Variants in CDH4 observed in about 807,000 individuals in gnomAD.
CDH4 encodes cadherin-4.
In CDH4, 33 loss-of-function variants were observed where a neutral mutation model predicts 86.0. The observed-to-expected ratio is 0.38, with a 90% CI of 0.29 to 0.51. The LOEUF (loss-of-function observed/expected upper bound fraction) is 0.51. Ranked by LOEUF, CDH4 falls within the 20% of genes least tolerant of loss-of-function variation. The pLI is 0.86. For missense variants in CDH4, 1,114 were observed against 1,307.4 expected, an observed-to-expected ratio of 0.85 and a Z score of 2.28; for synonymous variants, 555 against 549.4, an observed-to-expected ratio of 1.01 and a Z score of -0.14.
intron 2 of CDH4, among the ~76,000 whole-genome samples, chr20:61,596,901 T>C (rs1207904744): frequency 6.6e-6 from 1 of 152,180 alleles, no homozygotes; most frequent in Non-Finnish European, 1.5e-5. Flanking sequence ...ATGCCTCACA[T>C]GCATAAAGTG....
chr20:61,623,246 C>G lies in CDH4; in HGVS notation c.170-120317C>G, dbSNP rs768902499. Reference sequence around the variant, plus strand: ...CTGCCACGCTGCACCCCACTCACCACACTGCGGCGCCTGCTTTTTCCTTGA... The same window carrying G: ...CTGCCACGCTGCACCCCACTCACCAGACTGCGGCGCCTGCTTTTTCCTTGA... On this transcript the variant is annotated intron_variant, in intron 2 of 15. Coordinates refer to ENST00000614565, the MANE Select transcript of CDH4 (RefSeq NM_001794.5). The surrounding 1 kb of genome is among the most constrained non-coding windows in gnomAD (Gnocchi z 4.4). Among the ~76,000 whole-genome samples, 7 of 152,142 alleles carry G rather than the reference C, an allele frequency of 4.6e-5. No homozygotes were observed. The highest frequency in any genetic ancestry group is 1.0e-4 in the Non-Finnish European group (7 of 68,030).
chr20:61,536,101 C>T (rs1390131359), intron 2 of CDH4, among the ~76,000 whole-genome samples: 1 of 152,180 alleles, frequency 6.6e-6, no homozygotes, highest in Non-Finnish European at 1.5e-5. Context: ...AGTGAGTGGC[C>T]CAGGCTACCT....
At chr20:61,661,656 C>A (rs934964143) in intron 2 of CDH4, among the ~76,000 whole-genome samples, 1 of 152,076 alleles carries the variant, frequency 6.6e-6, no homozygotes, top group Non-Finnish European at 1.5e-5. Context: ...ATGGATCCTT[C>A]GTGTTTGTCA....
chr20:61,469,259 G>A (rs1271653477), intron 2 of CDH4, among the ~76,000 whole-genome samples: 1 of 152,076 alleles, frequency 6.6e-6, no homozygotes, highest in Non-Finnish European at 1.5e-5. Context: ...ATTTTAACTG[G>A]GATGAAATGA....
Position 61,565,358 on chromosome 20 carries a change from G to GT in CDH4, c.170-178205_170-178204insT, listed in dbSNP as rs144748536. On this transcript the variant is annotated intron_variant, in intron 2 of 15. Coordinates refer to ENST00000614565, the MANE Select transcript of CDH4 (RefSeq NM_001794.5). ...GGTGGTAGTGGTCCTCTTGGTGATG[G>GT]GGTGATGGTGGTGGTGGTCCTCTTG... 7.5e-3 allele frequency among the ~76,000 whole-genome samples: 250 copies of GT among 33,284 alleles called. 37 individuals are homozygous for GT. Among genetic ancestry groups the GT allele is most frequent in the Middle Eastern group, 0.059 (4 of 68 alleles). The allele number at this position is 33,284 out of a possible 152,430, so 21.8% of individuals were successfully genotyped here.
intron 2 of CDH4, among the ~76,000 whole-genome samples, chr20:61,616,245 C>T (rs2086724346): frequency 6.6e-6 from 1 of 152,236 alleles, no homozygotes; most frequent in Non-Finnish European, 1.5e-5. Flanking sequence ...GGTTCAGGCC[C>T]TGGGGATGCT....
chr20:61,418,250 C>A (rs6089523), intron 2 of CDH4, among the ~76,000 whole-genome samples: 2 of 150,204 alleles, frequency 1.3e-5, no homozygotes, highest in African/African-American at 4.9e-5. Flanking sequence ...TCGCTCTGTC[C>A]CCCAGGCTGG....
chr20:61,278,451 T>C (rs1307235164), intron 2 of CDH4, among the ~76,000 whole-genome samples: 7 of 152,234 alleles, frequency 4.6e-5, no homozygotes, highest in Non-Finnish European at 1.0e-4. Flanking sequence ...AAATGATGTG[T>C]TTGCAGACTG....
chr20:61,390,277 T>C (rs1287483383), intron 2 of CDH4, among the ~76,000 whole-genome samples: 1 of 148,350 alleles, frequency 6.7e-6, no homozygotes, highest in Admixed American at 6.7e-5. Flanking sequence ...AGGGTGCCCA[T>C]AGTGCCGTGT....
chr20:61,362,752 C>T (rs775152384), intron 2 of CDH4, among the ~76,000 whole-genome samples: 2 of 152,058 alleles, frequency 1.3e-5, no homozygotes, highest in Admixed American at 6.5e-5. Context: ...GAGACAGGGG[C>T]ACCTGAGACA....
rs139620911 is a variant in CDH4 at position 61,394,637 on chromosome 20, CAG to C, written c.169+139701_169+139702del. 5.2e-3 allele frequency among the ~76,000 whole-genome samples: 793 copies of C among 151,828 alleles called. 6 individuals carry two copies. The highest frequency in any genetic ancestry group is 0.018 in the African/African-American group (762 of 41,440). ...GACAGCTGAGCACCATCTGAGCAGTCAGGGGGCAGATAAGTGCCATCTGAGCA... is the reference window on the plus strand; with the variant it reads ...GACAGCTGAGCACCATCTGAGCAGTCGGGGCAGATAAGTGCCATCTGAGCA... On this transcript the variant is annotated intron_variant, in intron 2 of 15. Transcript: ENST00000614565.
At chr20:61,389,474 G>A (rs1387174394) in intron 2 of CDH4, among the ~76,000 whole-genome samples, 1 of 152,238 alleles carries the variant, frequency 6.6e-6, no homozygotes, top group Non-Finnish European at 1.5e-5. Context: ...CTGGCACACA[G>A]TAGGTGCTTT....
chr20:61,489,306 T>C (rs2085613193), intron 2 of CDH4, among the ~76,000 whole-genome samples: 1 of 152,218 alleles, frequency 6.6e-6, no homozygotes, highest in Non-Finnish European at 1.5e-5. Context: ...GTGACTATTA[T>C]TGAACAAATG....
intron 2 of CDH4, among the ~76,000 whole-genome samples, chr20:61,365,644 C>T (rs1170046510): frequency 6.6e-6 from 1 of 152,076 alleles, no homozygotes; most frequent in Non-Finnish European, 1.5e-5. Context: ...CTGAACCTGC[C>T]AGGGCCTGGT....
Position 61,671,960 on chromosome 20 carries a change from G to A in CDH4, c.170-71603G>A, listed in dbSNP as rs1027158383. ...ATGATAGATGGTGGATGGATGTATG[G>A]TTGAATAAGCGGGTAGATAGATGGA... On this transcript the variant is annotated intron_variant, in intron 2 of 15. Transcript: ENST00000614565. Among the ~76,000 whole-genome samples, 15 of 150,936 alleles carry A rather than the reference G, an allele frequency of 9.9e-5. No homozygotes were observed. The South Asian group carries it at 2.8e-3, about 28-fold the overall frequency.
chr20:61,281,625 G>T (rs1346603054), intron 2 of CDH4, among the ~76,000 whole-genome samples: 1 of 152,208 alleles, frequency 6.6e-6, no homozygotes. Context: ...CATGGCCCAA[G>T]GGAGAAGTCA....
intron 2 of CDH4, among the ~76,000 whole-genome samples, chr20:61,660,689 G>T (rs562074742): frequency 3.0e-4 from 46 of 152,154 alleles, no homozygotes; most frequent in Non-Finnish European, 5.3e-4. Context: ...CTCACTCTTG[G>T]CTTGGGTCCC....
intron 2 of CDH4, among the ~76,000 whole-genome samples, chr20:61,547,165 G>T (rs1436767275): frequency 2.7e-5 from 4 of 148,672 alleles, no homozygotes; most frequent in Non-Finnish European, 5.9e-5. Flanking sequence ...GCTTTTACTG[G>T]ATTCAGTCTC....
chr20:61,462,588 G>GAGCAGACCTGGATGCCGAA (rs11466872), intron 2 of CDH4, among the ~76,000 whole-genome samples: 1 of 151,840 alleles, frequency 6.6e-6, no homozygotes, highest in Non-Finnish European at 1.5e-5. Flanking sequence ...CATTGCTCCT[G>GAGCAGACCTGGATGCCGAA]AGCCTCCCTC....
Sources: allele counts gnomAD v4.1 joint callset (sites outside exome capture counted in the v4.1 genomes callset), GRCh38; gene constraint gnomAD v4.1.1; non-coding constraint Gnocchi (gnomAD v3.1); transcripts MANE v1.5; gene names NCBI Gene and HGNC (gene_info 2026-07-23, HGNC 2026-07-21).